Variants in SLCO3A1 observed in about 807,000 individuals in gnomAD.
SLCO3A1 encodes solute carrier organic anion transporter family member 3A1.
SLCO3A1 carries 27 observed loss-of-function variants against 63.1 expected under a neutral mutation model. That is an observed-to-expected ratio of 0.43 (90% confidence interval 0.32 to 0.59). The LOEUF is 0.59. Ranked by LOEUF, SLCO3A1 falls within the 20% of genes least tolerant of loss-of-function variation. SLCO3A1 has a pLI of 0.09. For synonymous variants in SLCO3A1, 473 were observed against 409.9 expected (o/e 1.15, Z -1.86); for missense variants, 773 against 945.8 (o/e 0.82, Z 2.40).
At chr15:91,867,481 A>G (rs1171422741) in intron 1 of SLCO3A1, among the ~76,000 whole-genome samples, 1 of 151,962 alleles carries the variant, frequency 6.6e-6, no homozygotes, top group Non-Finnish European at 1.5e-5. Flanking sequence ...ATGAGCTAAC[A>G]TTAGGAAAGG....
rs1371943103 is a variant in SLCO3A1, at chr15:91,886,319, G to A, written c.181-29674G>A. 6.6e-6 allele frequency among the ~76,000 whole-genome samples: 1 copy of A among 152,146 alleles called. No individual in the cohort carries two copies. The highest frequency in any genetic ancestry group is 2.4e-5 in the African/African-American group (1 of 41,416). On this transcript the variant is annotated intron_variant, in intron 1 of 9. Transcript: ENST00000318445. This position sits in a 1 kb window ranked among gnomAD's most constrained non-coding sequence, Gnocchi z 4.9. ...ATTGACAACAGCGCTTGTCTCTCAT[G>A]CTTCTCTTTTAATTGAGATTTCCTT... is the stretch of plus-strand genomic sequence containing the variant.
At chr15:91,946,996 G>A (rs61109989) in intron 2 of SLCO3A1, among the ~76,000 whole-genome samples, 2,907 of 152,274 alleles carry the variant, frequency 0.019, 87 homozygotes, top group African/African-American at 0.066. Flanking sequence ...GCTCACGGAG[G>A]ACTCTTCCAT....
chr15:92,162,645 G>A (rs1219398588), intron 9 of SLCO3A1, 111 bp from the exon 10 acceptor site: 14 of 1,491,206 alleles, frequency 9.4e-6, no homozygotes, highest in Middle Eastern at 2.5e-4. Context: ...TTTGAGCCAC[G>A]GAGTCAGACA....
chr15:92,042,391 G>A (rs2046810720), intron 2 of SLCO3A1, among the ~76,000 whole-genome samples: 1 of 152,084 alleles, frequency 6.6e-6, no homozygotes, highest in African/African-American at 2.4e-5. Context: ...GTTTTATTAT[G>A]CCGTCTAGAA....
chr15:92,012,212 T>C (rs1460741828), intron 2 of SLCO3A1, among the ~76,000 whole-genome samples: 2 of 152,204 alleles, frequency 1.3e-5, no homozygotes, highest in African/African-American at 2.4e-5. Flanking sequence ...ACAAAGACCA[T>C]TGTATTTTCA....
chr15:92,136,778 C>T (rs1403200002), intron 7 of SLCO3A1, among the ~76,000 whole-genome samples: 6 of 152,144 alleles, frequency 3.9e-5, no homozygotes, highest in African/African-American at 1.2e-4. Context: ...TGATTGCTGT[C>T]CTTGGTTTCT....
At chr15:91,923,285 A>G (rs1898907913) in intron 2 of SLCO3A1, among the ~76,000 whole-genome samples, 1 of 152,236 alleles carries the variant, frequency 6.6e-6, no homozygotes, top group African/African-American at 2.4e-5. Context: ...AGATGGATAC[A>G]TGACTGAACT....
intron 2 of SLCO3A1, among the ~76,000 whole-genome samples, chr15:92,034,075 A>G (rs569236142): frequency 1.4e-5 from 2 of 146,866 alleles, no homozygotes; most frequent in Non-Finnish European, 3.1e-5. Flanking sequence ...GGTGCTGAGC[A>G]GAGAAGCGAC....
rs1305892578 is a variant in SLCO3A1 at position 91,862,785 on chromosome 15, C to G, written c.180+8697C>G. The stretch of plus-strand genomic sequence containing the variant: ...AGTTAGAAGTGATTATTTTTACCGC[C>G]ATTTCTGCACTTGCAAGGTTGATGT... On this transcript the variant is annotated intron_variant, in intron 1 of 9. Coordinates refer to ENST00000318445, the MANE Select transcript of SLCO3A1 (RefSeq NM_013272.4). This position sits in a 1 kb window ranked among gnomAD's most constrained non-coding sequence, Gnocchi z 4.0. Among the ~76,000 whole-genome samples the G allele has an allele frequency of 6.6e-6, 1 of 152,200 alleles. No homozygotes were observed. Among genetic ancestry groups the G allele is most frequent in the Non-Finnish European group, 1.5e-5 (1 of 68,032 alleles).
chr15:92,105,640 G>A (rs2047659041), intron 4 of SLCO3A1, among the ~76,000 whole-genome samples: 1 of 152,156 alleles, frequency 6.6e-6, no homozygotes, highest in Non-Finnish European at 1.5e-5. Context: ...AGGTATGTGT[G>A]AGGTTCCTTA....
intron 2 of SLCO3A1, among the ~76,000 whole-genome samples, chr15:91,955,251 G>T (rs1057283887): frequency 1.3e-5 from 2 of 152,136 alleles, no homozygotes; most frequent in Non-Finnish European, 2.9e-5. Flanking sequence ...TGGTAGGGTT[G>T]GGATTTGAAC....
At chr15:91,958,915 C>T (rs1044734594) in intron 2 of SLCO3A1, among the ~76,000 whole-genome samples, 1 of 152,132 alleles carries the variant, frequency 6.6e-6, no homozygotes, top group Non-Finnish European at 1.5e-5. Flanking sequence ...AATCCCACTG[C>T]TTGGTATCTA....
At chr15:92,015,854 G>A (rs555441076) in intron 2 of SLCO3A1, among the ~76,000 whole-genome samples, 3 of 152,136 alleles carry the variant, frequency 2.0e-5, no homozygotes, top group African/African-American at 7.2e-5. Flanking sequence ...AGAAACAGGG[G>A]CCAAGAAGAA....
At chr15:91,888,614 G>A (rs955600185) in intron 1 of SLCO3A1, among the ~76,000 whole-genome samples, 1 of 152,032 alleles carries the variant, frequency 6.6e-6, no homozygotes, top group African/African-American at 2.4e-5. Flanking sequence ...GAGATTAGCA[G>A]GATTAACCTG....
intron 8 of SLCO3A1, chr15:92,149,002 A>ATTAT (rs933916690): frequency 1.1e-4 from 17 of 152,186 alleles, no homozygotes; most frequent in African/African-American, 4.1e-4. Context: ...TTTATTTTTC[A>ATTAT]TTATTAGACG....
chr15:91,947,136 A>C (rs928280562), intron 2 of SLCO3A1, among the ~76,000 whole-genome samples: 2 of 152,188 alleles, frequency 1.3e-5, no homozygotes, highest in Non-Finnish European at 2.9e-5. Context: ...TGTGGAGGGC[A>C]GATCAACAGG....
At chr15:92,072,663 T>C (rs1291988387) in intron 2 of SLCO3A1, among the ~76,000 whole-genome samples, 2 of 152,208 alleles carry the variant, frequency 1.3e-5, no homozygotes, top group African/African-American at 4.8e-5. Context: ...GAATCCTTCC[T>C]TGCCTTTCCA....
At chr15:92,052,162 G>C (rs2046965997) in intron 2 of SLCO3A1, among the ~76,000 whole-genome samples, 1 of 152,096 alleles carries the variant, frequency 6.6e-6, no homozygotes, top group African/African-American at 2.4e-5. Flanking sequence ...TGTGTGGTTG[G>C]TCTGGGGCTC....
In SLCO3A1 at chr15:91,967,808, T is replaced by C. The variant is rs1349837784; in HGVS notation, c.646+51350T>C. Reference sequence around the variant, plus strand: ...GAGGACGTAGTGGCAGGACTAAAGGTCAAGGTCACTTCAGTGTTCTCCCAA... The same window carrying C: ...GAGGACGTAGTGGCAGGACTAAAGGCCAAGGTCACTTCAGTGTTCTCCCAA... On this transcript the variant is annotated intron_variant, in intron 2 of 9. Coordinates refer to ENST00000318445, the MANE Select transcript of SLCO3A1 (RefSeq NM_013272.4). This position sits in a 1 kb window ranked among gnomAD's most constrained non-coding sequence, Gnocchi z 4.4. 6.6e-6 allele frequency among the ~76,000 whole-genome samples: 1 copy of C among 152,120 alleles called. No individual in the cohort carries two copies. The highest frequency in any genetic ancestry group is 1.5e-5 in the Non-Finnish European group (1 of 68,024).
Sources: allele counts gnomAD v4.1 joint callset (sites outside exome capture counted in the v4.1 genomes callset), GRCh38; gene constraint gnomAD v4.1.1; non-coding constraint Gnocchi (gnomAD v3.1); transcripts MANE v1.5; gene names NCBI Gene and HGNC (gene_info 2026-07-23, HGNC 2026-07-21).